The following FAM222B variants were observed in gnomAD, a reference collection of about 807,000 sequenced individuals.
FAM222B encodes protein FAM222B.
In FAM222B, 12 loss-of-function variants were observed where a neutral mutation model predicts 38.0. The observed-to-expected ratio is 0.32, with a 90% CI of 0.20 to 0.51. The LOEUF is 0.51. Among genes scored for constraint, FAM222B ranks in the 20% least tolerant of loss-of-function variants. FAM222B has a pLI of 0.97. For synonymous variants in FAM222B, 329 were observed against 317.2 expected (o/e 1.04, Z -0.40); for missense variants, 716 against 754.2 (o/e 0.95, Z 0.59).
intron 1 of FAM222B, chr17:28,790,437 ATG>A (rs1394681716): frequency 6.6e-6 from 1 of 152,236 alleles, no homozygotes; most frequent in Non-Finnish European, 1.5e-5. Flanking sequence ...TGTTGAAGAT[ATG>A]TTACCTAAAT....
chr17:28,817,081 A>T (rs1161627295), intron 1 of FAM222B, among the ~76,000 whole-genome samples: 1 of 151,992 alleles, frequency 6.6e-6, no homozygotes, highest in Non-Finnish European at 1.5e-5. Flanking sequence ...TCTTTAAAGT[A>T]CTTAGTTTAG....
chr17:28,799,506 TCA>T (rs1225998943), intron 1 of FAM222B, among the ~76,000 whole-genome samples: 3 of 150,842 alleles, frequency 2.0e-5, no homozygotes, highest in African/African-American at 7.3e-5. Context: ...AGACGGGGTT[TCA>T]CAGTGTTCGC....
upstream of FAM222B, among the ~76,000 whole-genome samples, chr17:28,844,998 G>A (rs1453236946): frequency 2.0e-5 from 3 of 151,954 alleles, no homozygotes; most frequent in Admixed American, 1.3e-4. Context: ...AGCTACTCAG[G>A]AGGCTGAGGC....
At chr17:28,835,025 TG>T (rs1489942352) in intron 1 of FAM222B, among the ~76,000 whole-genome samples, 1 of 886 alleles carries the variant, frequency 1.1e-3, no homozygotes, top group African/African-American at 1.8e-3. Flanking sequence ...CAGCTAATTT[TG>T]TGTGTGTGTG....
At chr17:28,835,063 T>TGA (rs1488269891) in intron 1 of FAM222B, among the ~76,000 whole-genome samples, 32 of 132,132 alleles carry the variant, frequency 2.4e-4, no homozygotes, top group African/African-American at 7.8e-4. Context: ...TGTGTGTGTG[T>TGA]GTGATGGAGT....
At position 28,822,541 on chromosome 17, in the gene FAM222B, G is replaced by C. The variant is rs28820029; in HGVS notation, c.-41+20141C>G. 7.7e-4 allele frequency among the ~76,000 whole-genome samples: 116 copies of C among 150,202 alleles called. 1 individual carries two copies. In the East Asian group the frequency reaches 0.023, roughly 29 times the overall value. On this transcript the variant is annotated intron_variant, in intron 1 of 2. Transcript: ENST00000581407. ...TTTGGGAGACTGAAGTAGGAGAATC[G>C]CTTGAACCCGGGAGGCGGAGGTTGG...
intron 1 of FAM222B, among the ~76,000 whole-genome samples, chr17:28,790,883 ACTTTT>A (rs2036636182): frequency 1.1e-4 from 1 of 8,912 alleles, no homozygotes; most frequent in African/African-American, 5.4e-4. Context: ...AAATTGTTTC[ACTTTT>A]TTTTTTTTTT....
In FAM222B at chr17:28,815,214, C is replaced by CT. The variant is rs71135857; in HGVS notation, c.-41+27467dup. 2.0e-3 allele frequency among the ~76,000 whole-genome samples: 284 copies of CT among 143,710 alleles called. 4 individuals are homozygous for CT. The South Asian group carries it at 0.035, about 18-fold the overall frequency. The allele number at this position is 143,710 out of a possible 152,430, so 94.3% of individuals were successfully genotyped here. On this transcript the variant is annotated intron_variant, in intron 1 of 2. Transcript: ENST00000581407. ...AACTGAAGAAGAGAATTTATTACAT[C>CT]TTTTTTTTTTTTTTTTAAAGACAGA...
chr17:28,854,985 T>TA, exon 1 of FAM222B: 2 of 1,516,872 alleles, frequency 1.3e-6, no homozygotes, highest in Non-Finnish European at 1.8e-6. Context: ...GCCGCTCTGT[T>TA]CAATCGTAGG....
rs869053812 is a variant in FAM222B, at chr17:28,813,029, GGGGGGGGGGGGGA to G, written c.-41+29640_-41+29652del. On this transcript the variant is annotated intron_variant, in intron 1 of 2. Transcript: ENST00000581407. ...CGTGACGCAGAAATTAAGCGGGGGG[GGGGGGGGGGGGGA>G]GGGGGGGGCGTTGGAGGCATGTTGG... Among the ~76,000 whole-genome samples, 65 of 60,634 alleles carry G rather than the reference GGGGGGGGGGGGGA, an allele frequency of 1.1e-3. 6 individuals are homozygous for G. The highest frequency in any genetic ancestry group is 1.6e-3 in the Non-Finnish European group (43 of 26,324). The allele number at this position is 60,634 out of a possible 152,430, so 39.8% of individuals were successfully genotyped here. A position where few individuals can be genotyped will look rare whatever the true frequency, so the allele number is the denominator to read the frequency against.
intron 1 of FAM222B, among the ~76,000 whole-genome samples, chr17:28,829,898 G>A (rs192659910): frequency 6.6e-6 from 1 of 151,520 alleles, no homozygotes; most frequent in Non-Finnish European, 1.5e-5. Flanking sequence ...AGCTGGAGTT[G>A]GAGTGCAGTG....
intron 1 of FAM222B, among the ~76,000 whole-genome samples, chr17:28,781,719 G>A (rs1295991103): frequency 6.6e-6 from 1 of 152,088 alleles, no homozygotes; most frequent in East Asian, 1.9e-4. Flanking sequence ...AAGAAATCCT[G>A]CCATTTTAAG....
chr17:28,779,152 G>A (rs1003907793), intron 1 of FAM222B, among the ~76,000 whole-genome samples: 10 of 151,892 alleles, frequency 6.6e-5, no homozygotes. Flanking sequence ...CAAAGACGAC[G>A]AATACTTCCA....
At chr17:28,800,275 T>C (rs1418171319) in intron 1 of FAM222B, among the ~76,000 whole-genome samples, 3 of 151,886 alleles carry the variant, frequency 2.0e-5, no homozygotes, top group African/African-American at 7.3e-5. Context: ...GTGATCTGCA[T>C]GCCTTGGCCT....
chr17:28,824,926 C>A (rs1232330383), intron 1 of FAM222B, among the ~76,000 whole-genome samples: 7 of 152,056 alleles, frequency 4.6e-5, no homozygotes, highest in Non-Finnish European at 1.0e-4. Flanking sequence ...CCACCACGCC[C>A]AGCTAATTTT....
chr17:28,786,047 T>A (rs2036397606), intron 1 of FAM222B, among the ~76,000 whole-genome samples: 1 of 152,000 alleles, frequency 6.6e-6, no homozygotes, highest in Admixed American at 6.6e-5. Context: ...TTGGCCAGGA[T>A]GGTCTCGATC....
At chr17:28,773,284 C>A (rs2035724887) in intron 1 of FAM222B, among the ~76,000 whole-genome samples, 1 of 151,920 alleles carries the variant, frequency 6.6e-6, no homozygotes, top group East Asian at 1.9e-4. Flanking sequence ...CAGGACCAGA[C>A]TGGCCAACGT....
At chr17:28,784,567 G>C (rs987228728) in intron 1 of FAM222B, among the ~76,000 whole-genome samples, 1 of 146,894 alleles carries the variant, frequency 6.8e-6, no homozygotes, top group Non-Finnish European at 1.5e-5. Flanking sequence ...CACTGGGCGC[G>C]GTGGCTCACG....
At chr17:28,837,460 T>A (rs1001531342) in intron 1 of FAM222B, among the ~76,000 whole-genome samples, 9 of 151,710 alleles carry the variant, frequency 5.9e-5, no homozygotes, top group East Asian at 1.9e-4. Flanking sequence ...AATAAATTTT[T>A]AAAAAAATTG....
Sources: gnomAD v4.1 joint callset for allele counts (sites outside exome capture counted in the v4.1 genomes callset) on GRCh38, gnomAD v4.1.1 for gene constraint, MANE v1.5 for transcripts, NCBI Gene and HGNC (gene_info 2026-07-23, HGNC 2026-07-21) for gene names.